Variants in LIPH observed in about 807,000 individuals in gnomAD.
LIPH encodes lipase member H.
A neutral mutation model predicts 47.6 loss-of-function variants in LIPH; 32 were observed. The ratio of observed to expected loss-of-function variants is 0.67; its 90% CI spans 0.51 to 0.90. The LOEUF (loss-of-function observed/expected upper bound fraction) is 0.90, where lower values mean the gene tolerates loss of function less well. Ranked by LOEUF, LIPH falls within the 40% of genes least tolerant of loss-of-function variation. LIPH has a pLI of 0.00. For missense variants in LIPH, 497 were observed against 541.4 expected, an observed-to-expected ratio of 0.92 and a Z score of 0.81; for synonymous variants, 190 against 195.6, an observed-to-expected ratio of 0.97 and a Z score of 0.24.
chr3:185,533,916 C>T (rs1720418255), intron 2 of LIPH, among the ~76,000 whole-genome samples: 1 of 152,174 alleles, frequency 6.6e-6, no homozygotes, highest in Non-Finnish European at 1.5e-5. Context: ...GGGGAGAGAG[C>T]AGAGCAGGAT....
intron 5 of LIPH, among the ~76,000 whole-genome samples, chr3:185,521,901 A>G (rs1719907248): frequency 6.6e-6 from 1 of 152,220 alleles, no homozygotes; most frequent in Admixed American, 6.5e-5. Context: ...TTTTATGGAA[A>G]TAGATGTATT....
rs1235808164 is a variant in LIPH at position 185,522,650 on chromosome 3, A to AAGAAAGAAAGAAAAG, written c.718+1420_718+1421insCTTTTCTTTCTTTCT. ...AAGAAGGAAAAGAAAGAGAGAAAGA[A>AAGAAAGAAAGAAAAG]AAAGAAAGAAAGAAAGAAAGAAAGA... On this transcript the variant is annotated intron_variant, in intron 5 of 9. Transcript: ENST00000296252. Among the ~76,000 whole-genome samples, 76 of 142,000 alleles carry AAGAAAGAAAGAAAAG rather than the reference A, an allele frequency of 5.4e-4. 1 individual carries two copies. The highest frequency in any genetic ancestry group is 1.8e-3 in the African/African-American group (71 of 38,888). 93.2% of individuals were successfully genotyped at this position (142,000 alleles called of 152,430 possible).
chr3:185,526,440 G>A (rs751724190), intron 4 of LIPH, among the ~76,000 whole-genome samples: 3 of 151,466 alleles, frequency 2.0e-5, no homozygotes, highest in African/African-American at 7.3e-5. Flanking sequence ...AGAATTGCTT[G>A]AACCCAGGAG....
In LIPH at chr3:185,519,894, G is replaced by A. The variant is rs114939179; in HGVS notation, c.719-585C>T. The stretch of plus-strand genomic sequence containing the variant: ...GACCTTGATTGCTCACGTAGCAATC[G>A]AGGTATCTTTCACTGTCATCCAATG... On this transcript the variant is annotated intron_variant, in intron 5 of 9. Transcript: ENST00000296252. Among the ~76,000 whole-genome samples, 855 of 141,754 alleles carry A rather than the reference G, an allele frequency of 6.0e-3. 12 individuals carry two copies. Among genetic ancestry groups the A allele is most frequent in the African/African-American group, 0.021 (797 of 38,302 alleles). 93.0% of individuals were successfully genotyped at this position (141,754 alleles called of 152,430 possible). A position where few individuals can be genotyped will look rare whatever the true frequency, so the allele number is the denominator to read the frequency against.
At chr3:185,516,031 G>A (rs1719719890) in intron 7 of LIPH, among the ~76,000 whole-genome samples, 1 of 152,158 alleles carries the variant, frequency 6.6e-6, no homozygotes, top group South Asian at 2.1e-4. Flanking sequence ...CTACTTGGGA[G>A]GCTGAGGCAG....
chr3:185,518,897 G>A lies in LIPH; in HGVS notation c.886+245C>T, dbSNP rs139702267. 5.6e-3 allele frequency among the ~76,000 whole-genome samples: 844 copies of A among 150,902 alleles called. 3 individuals carry two copies. Among genetic ancestry groups the A allele is most frequent in the Non-Finnish European group, 8.8e-3 (596 of 67,692 alleles). ...GCACCACCACACCCGGCTACTTTTT[G>A]TATTTTTGTAGAGACAGGGATTCAC... On this transcript the variant is annotated intron_variant, in intron 6 of 9. Transcript: ENST00000296252.
chr3:185,551,098 A>G (rs1434298798), intron 1 of LIPH, among the ~76,000 whole-genome samples: 1 of 152,014 alleles, frequency 6.6e-6, no homozygotes, highest in Non-Finnish European at 1.5e-5. Flanking sequence ...CGCGTGAACC[A>G]GGGAGGGGGA....
intron 1 of LIPH, among the ~76,000 whole-genome samples, chr3:185,543,290 A>G (rs1720770564): frequency 6.6e-6 from 1 of 152,252 alleles, no homozygotes; most frequent in Admixed American, 6.5e-5. Flanking sequence ...AAGCAGAAGA[A>G]GGCTATGATG....
chr3:185,538,820 C>T (rs1342962989), intron 1 of LIPH, among the ~76,000 whole-genome samples: 1 of 12,338 alleles, frequency 8.1e-5, no homozygotes, highest in African/African-American at 2.1e-4. Context: ...CATATATACA[C>T]ACATATACAT....
intron 3 of LIPH, among the ~76,000 whole-genome samples, 189 bp from the exon 4 acceptor site, chr3:185,527,774 G>A (rs994678816): frequency 1.4e-5 from 2 of 146,248 alleles, no homozygotes; most frequent in Non-Finnish European, 3.0e-5. Flanking sequence ...CAGTGGAGAC[G>A]GTTACCCTGG....
At chr3:185,543,440 A>G (rs955916340) in intron 1 of LIPH, among the ~76,000 whole-genome samples, 2 of 152,208 alleles carry the variant, frequency 1.3e-5, no homozygotes, top group African/African-American at 4.8e-5. Context: ...ACAGAAAATT[A>G]TGTATTGATC....
intron 1 of LIPH, among the ~76,000 whole-genome samples, chr3:185,549,140 A>AAAAAAAG (rs539103659): frequency 6.6e-6 from 1 of 151,732 alleles, no homozygotes. Flanking sequence ...AAAAAAAAAA[A>AAAAAAAG]AAAAGAAAAT....
rs1486623805 is a variant in LIPH, at chr3:185,526,667, A to G, written c.628+817T>C. ...AAAATAAAATAAAATAAAAAATAAT[A>G]TAATATAATATAATATAATATAAAA... On this transcript the variant is annotated intron_variant, in intron 4 of 9. Transcript: ENST00000296252. Among the ~76,000 whole-genome samples, 7 of 96,222 alleles carry G rather than the reference A, an allele frequency of 7.3e-5. No individual in the cohort carries two copies. The East Asian group carries it at 2.7e-3, about 37-fold the overall frequency. The allele number at this position is 96,222 out of a possible 152,430, so 63.1% of individuals were successfully genotyped here.
intron 1 of LIPH, among the ~76,000 whole-genome samples, chr3:185,548,202 C>T (rs1720939110): frequency 6.6e-6 from 1 of 151,882 alleles, no homozygotes; most frequent in South Asian, 2.1e-4. Flanking sequence ...GTCAAGAGAT[C>T]GAGACCATCC....
chr3:185,548,816 A>T (rs910751957), intron 1 of LIPH, among the ~76,000 whole-genome samples: 5 of 152,076 alleles, frequency 3.3e-5, no homozygotes, highest in African/African-American at 9.7e-5. Context: ...AAAGGATTAC[A>T]GTTGGACAGG....
chr3:185,534,942 T>C lies in LIPH; in HGVS notation c.240A>G (p.Pro80=). ...CCATCCAAACAGGAGGGGAGCCTGT[T>C]GGCCTGAATCCATGGACAATGAAGG... ...KTTFIVHGFR[P]TGSPPVWMDD... Residue 80 remains proline, a synonymous_variant, in exon 2 of 10, where the codon CCA becomes CCG. Coordinates refer to ENST00000296252, the MANE Select transcript of LIPH (RefSeq NM_139248.3). The C allele has an allele frequency of 6.2e-7, 1 of 1,614,230 alleles. No homozygotes were observed. The highest frequency in any genetic ancestry group is 8.5e-7 in the Non-Finnish European group (1 of 1,180,030).
intron 5 of LIPH, among the ~76,000 whole-genome samples, chr3:185,519,927 C>A (rs1274521420): frequency 6.8e-6 from 1 of 147,308 alleles, no homozygotes; most frequent in Non-Finnish European, 1.5e-5. Context: ...ATGCTTGATC[C>A]ATAGATTGCC....
At chr3:185,544,956 G>T (rs1262900470) in intron 1 of LIPH, among the ~76,000 whole-genome samples, 1 of 151,980 alleles carries the variant, frequency 6.6e-6, no homozygotes, top group African/African-American at 2.4e-5. Context: ...CATTTCTGTT[G>T]GTATTTCTAA....
intron 1 of LIPH, among the ~76,000 whole-genome samples, chr3:185,544,009 C>G (rs1208555149): frequency 1.6e-4 from 24 of 151,984 alleles, no homozygotes; most frequent in Admixed American, 1.6e-3. Flanking sequence ...TGCCACCACG[C>G]CCAGCTAATT....
Sources: gnomAD v4.1 joint callset for allele counts (sites outside exome capture counted in the v4.1 genomes callset) on GRCh38, gnomAD v4.1.1 for gene constraint, MANE v1.5 for transcripts, NCBI Gene and HGNC (gene_info 2026-07-23, HGNC 2026-07-21) for gene names.